The following PDE4D variants were observed in gnomAD, a reference collection of about 807,000 sequenced individuals.
PDE4D encodes the protein 3',5'-cyclic-AMP phosphodiesterase 4D.
In PDE4D, 24 loss-of-function variants were observed where a neutral mutation model predicts 87.4. The ratio of observed to expected loss-of-function variants is 0.27; its 90% CI spans 0.20 to 0.39. The LOEUF (loss-of-function observed/expected upper bound fraction) is 0.39. PDE4D is among the 10% of genes least tolerant of loss of function. PDE4D has a pLI of 1.00. For missense variants in PDE4D, 714 were observed against 1,041.0 expected, an observed-to-expected ratio of 0.69 and a Z score of 4.32; for synonymous variants, 384 against 383.2, an observed-to-expected ratio of 1.00 and a Z score of -0.02.
chr5:59,379,081 G>A (rs1040326286), intron 1 of PDE4D, among the ~76,000 whole-genome samples: 1 of 152,082 alleles, frequency 6.6e-6, no homozygotes, highest in African/African-American at 2.4e-5. Context: ...GGCCTCTCCA[G>A]CAGGCCCTTG....
At chr5:59,658,557 AT>A (rs1744748737) in intron 1 of PDE4D, among the ~76,000 whole-genome samples, 1 of 152,038 alleles carries the variant, frequency 6.6e-6, no homozygotes, top group Middle Eastern at 3.4e-3. Flanking sequence ...AATTTTTTGT[AT>A]TTTTAGTAGA....
chr5:59,737,678 C>T (rs1443291651), intron 1 of PDE4D, among the ~76,000 whole-genome samples: 1 of 151,816 alleles, frequency 6.6e-6, no homozygotes. Context: ...TAAAAACAAG[C>T]CCATTTAGAT....
intron 3 of PDE4D, among the ~76,000 whole-genome samples, chr5:59,933,812 GATA>G (rs200660017): frequency 0.031 from 4,546 of 148,098 alleles, 228 homozygotes; most frequent in African/African-American, 0.11. Context: ...TCATATAAAA[GATA>G]ATAATTTTGC....
chr5:59,167,349 G>A (rs1782067975), intron 5 of PDE4D, among the ~76,000 whole-genome samples: 1 of 152,118 alleles, frequency 6.6e-6, no homozygotes, highest in African/African-American at 2.4e-5. Flanking sequence ...ACCTAGGTCT[G>A]TCTCTGTAGA....
At chr5:60,154,441 T>C (rs1781787372) in intron 2 of PDE4D, among the ~76,000 whole-genome samples, 1 of 152,122 alleles carries the variant, frequency 6.6e-6, no homozygotes, top group Admixed American at 6.5e-5. Context: ...CACACCTGGC[T>C]AATTTTGTAT....
chr5:59,275,313 A>C (rs1237351869), intron 1 of PDE4D: 3 of 1,573,168 alleles, frequency 1.9e-6, no homozygotes, highest in Non-Finnish European at 2.6e-6. Context: ...GAAAAGGGGA[A>C]AAGCATGAGA....
In PDE4D at chr5:59,380,839, G is replaced by A. The variant is rs140553683; in HGVS notation, c.456-164871C>T. On this transcript the variant is annotated intron_variant, in intron 1 of 14. Transcript: ENST00000340635. ...TTTCAAAGGGAGCTAGGTAGGGGTT[G>A]GAAAACTACCACAGAGCAAATCCTG... is the stretch of plus-strand genomic sequence containing the variant. Among the ~76,000 whole-genome samples, 505 of 151,854 alleles carry A rather than the reference G, an allele frequency of 3.3e-3. 2 individuals carry two copies. Among genetic ancestry groups the A allele is most frequent in the South Asian group, 0.012 (59 of 4,800 alleles).
chr5:60,027,082 T>C (rs1353407901), intron 2 of PDE4D, among the ~76,000 whole-genome samples: 2 of 152,038 alleles, frequency 1.3e-5, no homozygotes, highest in Non-Finnish European at 2.9e-5. Flanking sequence ...TTTTTTCTTT[T>C]TAATTTTAGA....
chr5:59,729,444 T>C (rs1757065017), intron 1 of PDE4D, among the ~76,000 whole-genome samples: 1 of 152,126 alleles, frequency 6.6e-6, no homozygotes, highest in South Asian at 2.1e-4. Flanking sequence ...ATAATAGCCA[T>C]GATTTTATCA....
chr5:59,619,209 T>G (rs953956111), intron 1 of PDE4D, among the ~76,000 whole-genome samples: 3 of 151,636 alleles, frequency 2.0e-5, no homozygotes, highest in African/African-American at 7.3e-5. Context: ...TCATTCAGAC[T>G]GAAATATGGG....
intron 1 of PDE4D, among the ~76,000 whole-genome samples, chr5:59,621,722 T>G (rs1830377434): frequency 6.6e-6 from 1 of 152,224 alleles, no homozygotes; most frequent in Non-Finnish European, 1.5e-5. Flanking sequence ...AGCCAGGCTT[T>G]TAATTTATCA....
chr5:60,457,375 G>C (rs191033634), intron 1 of PDE4D, among the ~76,000 whole-genome samples: 201 of 152,272 alleles, frequency 1.3e-3, no homozygotes, highest in Non-Finnish European at 2.2e-3. Context: ...GGCCTGAATA[G>C]TAAAAGAAAC....
chr5:59,880,869 G>T (rs1384920136), intron 1 of PDE4D, among the ~76,000 whole-genome samples: 1 of 152,082 alleles, frequency 6.6e-6, no homozygotes, highest in East Asian at 1.9e-4. Flanking sequence ...TATTGAGTGT[G>T]TATGTGACCT....
chr5:59,823,710 C>T (rs1769976250), intron 1 of PDE4D, among the ~76,000 whole-genome samples: 2 of 151,988 alleles, frequency 1.3e-5, no homozygotes, highest in Admixed American at 1.3e-4. Context: ...ACCTCCAAGT[C>T]TGCAAGTTCC....
chr5:59,820,601 A>G (rs971067581), intron 1 of PDE4D, among the ~76,000 whole-genome samples: 13 of 152,310 alleles, frequency 8.5e-5, no homozygotes, highest in African/African-American at 3.1e-4. Flanking sequence ...GGGACTAGCT[A>G]ACAACCTGGG....
chr5:60,227,437 C>T (rs1441366360), intron 1 of PDE4D, among the ~76,000 whole-genome samples: 1 of 151,780 alleles, frequency 6.6e-6, no homozygotes, highest in Admixed American at 6.6e-5. Context: ...TCCTTAGCAC[C>T]CGGATGAGTC....
chr5:60,246,505 T>C (rs1178943596), intron 1 of PDE4D, among the ~76,000 whole-genome samples: 1 of 151,842 alleles, frequency 6.6e-6, no homozygotes, highest in Non-Finnish European at 1.5e-5. Context: ...TGCCTTCTGG[T>C]TGATTTCTTC....
intron 1 of PDE4D, among the ~76,000 whole-genome samples, chr5:59,530,140 T>C (rs1190500291): frequency 6.6e-6 from 1 of 152,212 alleles, no homozygotes; most frequent in African/African-American, 2.4e-5. Flanking sequence ...TGAAGCACCA[T>C]TGCAGAATGT....
chr5:59,608,185 C>T (rs1383790564), intron 1 of PDE4D, among the ~76,000 whole-genome samples: 3 of 152,038 alleles, frequency 2.0e-5, no homozygotes, highest in Non-Finnish European at 4.4e-5. Context: ...TTTGATTAAT[C>T]CGAAAAGAAC....
Sources: allele counts gnomAD v4.1 joint callset (sites outside exome capture counted in the v4.1 genomes callset), GRCh38; gene constraint gnomAD v4.1.1; transcripts MANE v1.5; gene names NCBI Gene and HGNC (gene_info 2026-07-23, HGNC 2026-07-21).